The following PLEKHA7 variants were observed in gnomAD, a reference collection of about 807,000 sequenced individuals.
PLEKHA7 encodes pleckstrin homology domain-containing family A member 7.
In PLEKHA7, 104 loss-of-function variants were observed where a neutral mutation model predicts 170.0. The ratio of observed to expected loss-of-function variants is 0.61; its 90% CI spans 0.52 to 0.72. The LOEUF (loss-of-function observed/expected upper bound fraction) is 0.72, where lower values mean the gene tolerates loss of function less well. Ranked by LOEUF, PLEKHA7 falls within the 30% of genes least tolerant of loss-of-function variation. The pLI is 0.00. For synonymous variants in PLEKHA7, 648 were observed against 660.8 expected (o/e 0.98, Z 0.30); for missense variants, 1,615 against 1,671.7 (o/e 0.97, Z 0.59).
At chr11:16,905,615 T>C (rs1857607232) in intron 3 of PLEKHA7, among the ~76,000 whole-genome samples, 1 of 152,142 alleles carries the variant, frequency 6.6e-6, no homozygotes, top group Admixed American at 6.5e-5. Context: ...GCCATGGTAT[T>C]GCTAGAAGGT....
chr11:16,939,350 G>T (rs1490118703), intron 3 of PLEKHA7, among the ~76,000 whole-genome samples: 3 of 152,114 alleles, frequency 2.0e-5, no homozygotes, highest in African/African-American at 7.2e-5. Flanking sequence ...GCAGGCAGAG[G>T]TTGCAATGAC....
chr11:16,810,048 G>A (rs895504922), intron 13 of PLEKHA7, among the ~76,000 whole-genome samples: 6 of 152,248 alleles, frequency 3.9e-5, no homozygotes, highest in African/African-American at 1.4e-4. Flanking sequence ...CCCGTGTGGA[G>A]GCAGCCCTTG....
intron 3 of PLEKHA7, among the ~76,000 whole-genome samples, chr11:16,977,906 G>A (rs187054250): frequency 6.6e-6 from 1 of 152,158 alleles, no homozygotes; most frequent in Admixed American, 6.5e-5. Context: ...GGTCTGCTGT[G>A]AGGATGAAAC....
intron 3 of PLEKHA7, among the ~76,000 whole-genome samples, chr11:16,912,805 C>T (rs750494262): frequency 7.9e-5 from 12 of 152,172 alleles, no homozygotes; most frequent in Non-Finnish European, 1.8e-4. Context: ...CAGATATTCT[C>T]ACAGGTGCTG....
intron 3 of PLEKHA7, chr11:16,975,076 T>A: frequency 6.0e-6 from 4 of 671,338 alleles, no homozygotes; most frequent in Non-Finnish European, 8.3e-6. Context: ...TGTATATATG[T>A]ACAGTTCTAT....
intron 13 of PLEKHA7, among the ~76,000 whole-genome samples, chr11:16,805,887 C>A (rs1413615347): frequency 6.6e-6 from 1 of 152,066 alleles, no homozygotes; most frequent in South Asian, 2.1e-4. Flanking sequence ...TCGACTGACA[C>A]GAGGTACTTA....
chr11:17,009,449 G>C (rs1865196872), intron 3 of PLEKHA7, among the ~76,000 whole-genome samples: 1 of 152,124 alleles, frequency 6.6e-6, no homozygotes, highest in Non-Finnish European at 1.5e-5. Context: ...ATCAATGACA[G>C]TTACAGAACA....
chr11:16,804,137 T>C (rs961869652), intron 13 of PLEKHA7, among the ~76,000 whole-genome samples: 11 of 152,252 alleles, frequency 7.2e-5, no homozygotes, highest in African/African-American at 2.2e-4. Context: ...ATGCAGGGGC[T>C]GAGGGGAGTG....
intron 3 of PLEKHA7, among the ~76,000 whole-genome samples, chr11:16,918,202 G>A (rs7949833): frequency 0.98 from 148,784 of 152,364 alleles, 72,644 homozygotes; most frequent in East Asian, 1. Context: ...TAAGGGTTCT[G>A]TCACTGAATA....
chr11:17,007,129 G>T (rs540371937), intron 3 of PLEKHA7, among the ~76,000 whole-genome samples: 36 of 152,320 alleles, frequency 2.4e-4, no homozygotes, highest in African/African-American at 8.7e-4. Context: ...GCTGCCCAGG[G>T]GGGCATGGAT....
chr11:16,949,643 C>T lies in PLEKHA7; in HGVS notation c.221+64346G>A, dbSNP rs558775072. ...TCATTCATTCCAATGTCTGTCTGCC[C>T]ACTATATGCCTATCCTAGGTACTTG... On this transcript the variant is annotated intron_variant, in intron 3 of 26. Coordinates refer to ENST00000531066, the MANE Select transcript of PLEKHA7 (RefSeq NM_001329630.2). 2.6e-5 allele frequency among the ~76,000 whole-genome samples: 4 copies of T among 152,244 alleles called. No individual in the cohort carries two copies. The South Asian group carries it at 8.3e-4, about 32-fold the overall frequency.
intron 3 of PLEKHA7, among the ~76,000 whole-genome samples, chr11:16,953,796 G>C (rs927460957): frequency 6.6e-6 from 1 of 152,196 alleles, no homozygotes. Flanking sequence ...CATATGAAAA[G>C]TCTATTCTTC....
chr11:16,904,164 G>C (rs1444185766), intron 3 of PLEKHA7, among the ~76,000 whole-genome samples: 2 of 152,178 alleles, frequency 1.3e-5, no homozygotes, highest in African/African-American at 2.4e-5. Context: ...ATTCTTACGT[G>C]CTATCATTTA....
intron 11 of PLEKHA7, 88 bp downstream of exon 11, chr11:16,816,712 A>C: frequency 4.7e-6 from 7 of 1,477,920 alleles, no homozygotes; most frequent in Non-Finnish European, 6.4e-6. Flanking sequence ...TTATTATCCC[A>C]AATTACTCAA....
chr11:16,919,345 G>A (rs1858920756), intron 3 of PLEKHA7, among the ~76,000 whole-genome samples: 1 of 152,138 alleles, frequency 6.6e-6, no homozygotes, highest in Admixed American at 6.5e-5. Flanking sequence ...GTATGCCCAG[G>A]TCACTTCTCT....
In PLEKHA7 at chr11:16,789,131, A is replaced by T. The variant is rs1849608763; in HGVS notation, c.3322T>A (p.Tyr1108Asn). 1 of 1,608,436 alleles carries T rather than the reference A, an allele frequency of 6.2e-7. No individual in the cohort carries two copies. The highest frequency in any genetic ancestry group is 8.5e-7 in the Non-Finnish European group (1 of 1,179,996). Reference sequence around the variant, plus strand: ...TCTCCAGGGAGCGGCCGGCTGAGGTAGCGAGATGAGGGCAGGCCCGTCCTC... The same window carrying T: ...TCTCCAGGGAGCGGCCGGCTGAGGTTGCGAGATGAGGGCAGGCCCGTCCTC... The part of the protein sequence containing the change: ...GERTGLPSSR[Y>N]LSRPLPGDLG... Residue 1108 changes from tyrosine (Y) to asparagine (N), a missense_variant, in exon 23 of 27, where the codon TAC becomes AAC. Transcript: ENST00000531066. This position sits in a 1 kb window ranked among gnomAD's most constrained non-coding sequence, Gnocchi z 4.6.
intron 3 of PLEKHA7, among the ~76,000 whole-genome samples, chr11:16,931,359 A>G (rs1353285828): frequency 2.6e-5 from 4 of 152,182 alleles, no homozygotes; most frequent in African/African-American, 9.7e-5. Flanking sequence ...AAGAGGCCAG[A>G]AAGACCTAAT....
chr11:16,969,385 G>C (rs1862572944), intron 3 of PLEKHA7, among the ~76,000 whole-genome samples: 1 of 152,176 alleles, frequency 6.6e-6, no homozygotes, highest in Non-Finnish European at 1.5e-5. Context: ...GAGCAGCAGT[G>C]CTTGATGTAA....
At chr11:16,917,765 T>C (rs1370048721) in intron 3 of PLEKHA7, among the ~76,000 whole-genome samples, 1 of 152,266 alleles carries the variant, frequency 6.6e-6, no homozygotes, top group Non-Finnish European at 1.5e-5. Context: ...GGACATCTTT[T>C]GGAGGAGCCC....
Sources: allele counts gnomAD v4.1 joint callset (sites outside exome capture counted in the v4.1 genomes callset), GRCh38; gene constraint gnomAD v4.1.1; non-coding constraint Gnocchi (gnomAD v3.1); transcripts MANE v1.5; gene names NCBI Gene and HGNC (gene_info 2026-07-23, HGNC 2026-07-21).